Variants in LRIG2 observed in about 807,000 individuals in gnomAD.
LRIG2 encodes leucine rich repeats and immunoglobulin like domains 2, also known as leucine-rich repeats and immunoglobulin-like domains protein 2.
A neutral mutation model predicts 107.8 loss-of-function variants in LRIG2; 93 were observed. That is an observed-to-expected ratio of 0.86 (90% CI 0.73 to 1.03). LRIG2 has a LOEUF of 1.03. Among genes scored for constraint, LRIG2 ranks in the 50% least tolerant of loss-of-function variants. LRIG2 has a pLI of 0.00. For missense variants in LRIG2, 1,226 were observed against 1,296.0 expected (o/e 0.95, Z 0.83); for synonymous variants, 471 against 470.6 (o/e 1.00, Z -0.01).
rs1654912920 is a variant in LRIG2 at position 113,114,520 on chromosome 1, CT to C, written c.2175del (p.Arg726ValfsTer13). ...TGCATAGCTGGAGGGAGTCCTGCCC[CT>C]CGTCTCAACTGGACTAAAGATGATG... ...LQCIAGGSPAPRLNWTKDDGP... is the reference protein window; with the variant it reads ...LQCIAGGSPAXRLNWTKDDGP... On this transcript the variant is annotated frameshift_variant, in exon 15 of 18. Transcript: ENST00000361127. LOFTEE classifies it high-confidence loss of function. 1 of 1,614,034 alleles carries C rather than the reference CT, an allele frequency of 6.2e-7. No individual in the cohort carries two copies. Among genetic ancestry groups the C allele is most frequent in the Non-Finnish European group, 8.5e-7 (1 of 1,180,010 alleles).
intron 1 of LRIG2, among the ~76,000 whole-genome samples, chr1:113,084,181 G>A: frequency 7.0e-6 from 1 of 143,410 alleles, no homozygotes; most frequent in East Asian, 2.1e-4. Flanking sequence ...CTTATTGAAT[G>A]TTAGTTGAGG....
Position 113,131,213 on chromosome 1 carries a change from G to C in LRIG2, c.*7112G>C, listed in dbSNP as rs1011122668. ...GCCTCCCAAAGTGCTGGGATTACAG[G>C]CATGAGCCACTGTGCCCAGCCCTCT... On this transcript the variant is annotated 3_prime_UTR_variant, in exon 18 of 18. Transcript: ENST00000361127. The C allele has an allele frequency of 5.3e-5, 8 of 152,330 alleles. No individual in the cohort carries two copies. Among genetic ancestry groups the C allele is most frequent in the African/African-American group, 1.9e-4 (8 of 41,444 alleles). The allele number at this position is 152,330 out of a possible 1,614,324, so 9.4% of individuals were successfully genotyped here. A position where few individuals can be genotyped will look rare whatever the true frequency, so the allele number is the denominator to read the frequency against.
At chr1:113,078,324 C>G (rs945786399) in intron 1 of LRIG2, among the ~76,000 whole-genome samples, 1 of 151,816 alleles carries the variant, frequency 6.6e-6, no homozygotes, top group African/African-American at 2.4e-5. Flanking sequence ...CTGCAACCCC[C>G]GCCTCCTGGG....
chr1:113,113,009 T>C (rs549697596), intron 14 of LRIG2, among the ~76,000 whole-genome samples: 1 of 152,314 alleles, frequency 6.6e-6, no homozygotes, highest in South Asian at 2.1e-4. Context: ...CAAATTCCTT[T>C]ATCAGCTTAT....
intron 14 of LRIG2, among the ~76,000 whole-genome samples, chr1:113,114,207 C>T (rs1383060668): frequency 6.6e-6 from 1 of 151,948 alleles, no homozygotes; most frequent in East Asian, 1.9e-4. Flanking sequence ...ATTGCAGCTG[C>T]CCTGAACTTC....
intron 11 of LRIG2, among the ~76,000 whole-genome samples, chr1:113,104,054 T>G (rs1186562968): frequency 6.6e-6 from 1 of 152,168 alleles, no homozygotes; most frequent in African/African-American, 2.4e-5. Flanking sequence ...ACTATATTGC[T>G]CCACCACTGG....
At chr1:113,118,691 G>T (rs1655117433) in intron 16 of LRIG2, among the ~76,000 whole-genome samples, 1 of 151,422 alleles carries the variant, frequency 6.6e-6, no homozygotes, top group South Asian at 2.1e-4. Context: ...TGGAGACAGA[G>T]TCTCGCTGTG....
intron 11 of LRIG2, among the ~76,000 whole-genome samples, chr1:113,101,902 C>T (rs951044325): frequency 4.6e-5 from 7 of 152,052 alleles, no homozygotes; most frequent in Non-Finnish European, 8.8e-5. Flanking sequence ...TCTCTGTACT[C>T]ATAGCATATT....
intron 12 of LRIG2, among the ~76,000 whole-genome samples, chr1:113,109,548 C>T (rs562607306): frequency 6.6e-6 from 1 of 152,300 alleles, no homozygotes; most frequent in African/African-American, 2.4e-5. Context: ...GACAGAGTCT[C>T]GCTCTTTTGC....
intron 2 of LRIG2, among the ~76,000 whole-genome samples, chr1:113,092,624 T>A (rs1035889887): frequency 2.0e-5 from 3 of 152,220 alleles, no homozygotes; most frequent in Non-Finnish European, 2.9e-5. Context: ...TTGCTTGAAC[T>A]AACAATATTT....
At chr1:113,079,361 A>AG (rs1413149979) in intron 1 of LRIG2, among the ~76,000 whole-genome samples, 5 of 150,650 alleles carry the variant, frequency 3.3e-5, no homozygotes, top group Non-Finnish European at 5.9e-5. Flanking sequence ...AAAAAAAAAA[A>AG]AAGAAGAGAA....
At chr1:113,088,828 A>G (rs991448094) in intron 1 of LRIG2, among the ~76,000 whole-genome samples, 6 of 152,226 alleles carry the variant, frequency 3.9e-5, no homozygotes, top group Non-Finnish European at 7.3e-5. Context: ...ATACGAGTGT[A>G]TGTGTTTATT....
intron 14 of LRIG2, among the ~76,000 whole-genome samples, chr1:113,113,400 G>T (rs1654856448): frequency 6.6e-6 from 1 of 150,592 alleles, no homozygotes; most frequent in South Asian, 2.1e-4. Flanking sequence ...TTTTCTTCGT[G>T]GAACTCAAAT....
At chr1:113,119,167 A>G in intron 16 of LRIG2, 66 bp from the exon 17 acceptor site, 1 of 1,491,814 alleles carries the variant, frequency 6.7e-7, no homozygotes, top group Non-Finnish European at 9.1e-7. Flanking sequence ...TTTTGAAGAA[A>G]ACTGACGATT....
At chr1:113,101,680 A>G (rs1654314421) in intron 11 of LRIG2, among the ~76,000 whole-genome samples, 2 of 152,360 alleles carry the variant, frequency 1.3e-5, no homozygotes, top group South Asian at 4.1e-4. Flanking sequence ...CAAACTGCCT[A>G]GGTTCAAATC....
Position 113,124,218 on chromosome 1 carries a change from C to A in LRIG2, c.*117C>A, listed in dbSNP as rs574537774. The A allele has an allele frequency of 3.5e-6, 3 of 858,014 alleles. No homozygotes were observed. The highest frequency in any genetic ancestry group is 1.7e-5 in the South Asian group (1 of 59,878). 53.2% of individuals were successfully genotyped at this position (858,014 alleles called of 1,614,324 possible). On this transcript the variant is annotated 3_prime_UTR_variant, in exon 18 of 18. Coordinates refer to ENST00000361127, the MANE Select transcript of LRIG2 (RefSeq NM_014813.3). ...TTGCTTTACTCTTTCTTTATGATTG[C>A]ATCTGACCGCACCAAGGTGGGCCAT...
chr1:113,094,710 A>T lies in LRIG2; in HGVS notation c.758A>T (p.Lys253Ile). 4.3e-6 allele frequency: 7 copies of T among 1,614,044 alleles called. No individual in the cohort carries two copies. The South Asian group carries it at 7.7e-5, about 18-fold the overall frequency. The change falls in exon 6 of 18, where the codon AAA becomes ATA. Residue 253 changes from lysine to isoleucine, a missense_variant. Coordinates refer to ENST00000361127, the MANE Select transcript of LRIG2 (RefSeq NM_014813.3). Reference sequence around the variant, plus strand: ...AAAATGCAGCGGAATGGAATTAGCAAACTTAAGGATGGAGCATTTTTTGGC... The same window carrying T: ...AAAATGCAGCGGAATGGAATTAGCATACTTAAGGATGGAGCATTTTTTGGC... ...SLKMQRNGIS[K>I]LKDGAFFGLN... is the part of the protein sequence containing the mutation.
chr1:113,077,150 T>TC (rs1335335838), intron 1 of LRIG2, among the ~76,000 whole-genome samples: 1 of 152,030 alleles, frequency 6.6e-6, no homozygotes, highest in Non-Finnish European at 1.5e-5. Flanking sequence ...AAATTTTTTT[T>TC]CTTTTTTTTT....
rs1655591919 is a variant in LRIG2, at chr1:113,128,947, T to C, written c.*4846T>C. 1 of 152,168 alleles carries C rather than the reference T, an allele frequency of 6.6e-6. No homozygotes were observed. The highest frequency in any genetic ancestry group is 6.6e-5 in the Admixed American group (1 of 15,260). 9.4% of individuals were successfully genotyped at this position (152,168 alleles called of 1,614,324 possible). A position where few individuals can be genotyped will look rare whatever the true frequency, so the allele number is the denominator to read the frequency against. ...GGAATAGGTGGAATTAGGGCTAGGC[T>C]GCCAGAGACTGTGCCAATGAGCATC... On this transcript the variant is annotated 3_prime_UTR_variant, in exon 18 of 18. Transcript: ENST00000361127.
Sources: allele counts gnomAD v4.1 joint callset (sites outside exome capture counted in the v4.1 genomes callset), GRCh38; gene constraint gnomAD v4.1.1; transcripts MANE v1.5; gene names NCBI Gene and HGNC (gene_info 2026-07-23, HGNC 2026-07-21).